Variants in PEX7 observed in about 807,000 individuals in gnomAD.
PEX7 encodes the protein peroxisomal biogenesis factor 7, also known as PTS2 receptor.
PEX7 carries 34 observed loss-of-function variants against 47.5 expected under a neutral mutation model. The observed-to-expected ratio is 0.72, with a 90% confidence interval of 0.54 to 0.95. PEX7 has a LOEUF of 0.95. Ranked by LOEUF, PEX7 falls within the 40% of genes least tolerant of loss-of-function variation. PEX7 has a pLI of 0.00. For missense variants in PEX7, 394 were observed against 400.3 expected, an observed-to-expected ratio of 0.98 and a Z score of 0.13; for synonymous variants, 141 against 148.8, an observed-to-expected ratio of 0.95 and a Z score of 0.38.
intron 3 of PEX7, among the ~76,000 whole-genome samples, chr6:136,838,502 G>A (rs1231039105): frequency 1.3e-5 from 2 of 152,234 alleles, no homozygotes; most frequent in Non-Finnish European, 2.9e-5. Flanking sequence ...TAACAGCTAA[G>A]TGTAAAATGT....
intron 5 of PEX7, among the ~76,000 whole-genome samples, chr6:136,855,490 C>T (rs1459713936): frequency 2.6e-5 from 4 of 152,060 alleles, no homozygotes; most frequent in Non-Finnish European, 1.5e-5. Context: ...CAGGCACGTG[C>T]CACTATGCCC....
intron 1 of PEX7, chr6:136,823,379 A>G (rs1176243922): frequency 2.1e-5 from 21 of 983,010 alleles, no homozygotes; most frequent in Non-Finnish European, 2.5e-5. Context: ...CACATTCGCA[A>G]GTAGGTGTTA....
chr6:136,910,802 C>G (rs999490115), intron 9 of PEX7, among the ~76,000 whole-genome samples: 3 of 152,316 alleles, frequency 2.0e-5, no homozygotes, highest in Admixed American at 6.5e-5. Context: ...GCTACTTCAT[C>G]TTTCATTTTA....
At chr6:136,839,913 C>T (rs372764662) in intron 3 of PEX7, among the ~76,000 whole-genome samples, 2 of 151,972 alleles carry the variant, frequency 1.3e-5, no homozygotes, top group East Asian at 1.9e-4. Flanking sequence ...ATGTGGTAAG[C>T]GCTGTGAATG....
At chr6:136,876,796 CAT>C (rs1035102330) in intron 8 of PEX7, among the ~76,000 whole-genome samples, 18 of 152,288 alleles carry the variant, frequency 1.2e-4, no homozygotes, top group African/African-American at 4.3e-4. Flanking sequence ...CTGCAATAAA[CAT>C]ATGTGTGCAT....
chr6:136,910,051 G>A (rs1441564823), intron 9 of PEX7, among the ~76,000 whole-genome samples: 1 of 152,150 alleles, frequency 6.6e-6, no homozygotes, highest in Non-Finnish European at 1.5e-5. Flanking sequence ...TGCAAGATTA[G>A]GCAAATAATG....
intron 8 of PEX7, among the ~76,000 whole-genome samples, chr6:136,881,746 C>T (rs1168063161): frequency 2.0e-5 from 3 of 152,106 alleles, no homozygotes; most frequent in Non-Finnish European, 4.4e-5. Flanking sequence ...AGTATCAAAC[C>T]ATGCTCAGAA....
At chr6:136,828,313 A>C (rs1302599099) in intron 3 of PEX7, among the ~76,000 whole-genome samples, 8 of 152,330 alleles carry the variant, frequency 5.3e-5, no homozygotes, top group Non-Finnish European at 2.9e-5. Flanking sequence ...TACTCTCTGG[A>C]AAATACTGTT....
intron 9 of PEX7, 103 bp from the exon 10 acceptor site, chr6:136,913,355 A>G: frequency 1.3e-6 from 1 of 787,554 alleles, no homozygotes; most frequent in Non-Finnish European, 2.3e-6. Flanking sequence ...TATGTTTACT[A>G]GTGGATGATT....
chr6:136,912,219 G>A (rs1775944999), intron 9 of PEX7, among the ~76,000 whole-genome samples: 1 of 151,984 alleles, frequency 6.6e-6, no homozygotes, highest in East Asian at 1.9e-4. Flanking sequence ...GTCTTTTGAT[G>A]AGCAAAAGTT....
At chr6:136,840,269 T>C (rs2115159733) in intron 3 of PEX7, among the ~76,000 whole-genome samples, 1 of 152,352 alleles carries the variant, frequency 6.6e-6, no homozygotes, top group Middle Eastern at 3.4e-3. Context: ...ACCATTAGCG[T>C]CCCCTGCTTA....
intron 7 of PEX7, chr6:136,870,710 T>G (rs1420293972): frequency 2.6e-6 from 1 of 383,478 alleles, no homozygotes; most frequent in Non-Finnish European, 5.1e-6. Context: ...AAATTCTAAA[T>G]TTTTTTTTCT....
chr6:136,883,194 A>G (rs182946928), intron 8 of PEX7, among the ~76,000 whole-genome samples: 175 of 152,336 alleles, frequency 1.1e-3, no homozygotes, highest in African/African-American at 3.4e-3. Flanking sequence ...CAGGTTTATC[A>G]ATTAGTAATG....
At position 136,866,628 on chromosome 6, in the gene PEX7, T is replaced by G; in HGVS notation, c.528T>G (p.Gly176=). The change falls in exon 6 of 10, where the codon GGT becomes GGG. Residue 176 remains glycine, a splice_region_variant and synonymous_variant. Coordinates refer to ENST00000318471, the MANE Select transcript of PEX7 (RefSeq NM_000288.4). ...TGATCAAGTCTTCCTTTTTACTAGG[T>G]GATCAGACTCTGAGAATATGGGATG... ...HIPGCFASAS[G]DQTLRIWDVK... 1.2e-6 allele frequency: 2 copies of G among 1,613,244 alleles called. 1 individual carries two copies. Among genetic ancestry groups the G allele is most frequent in the South Asian group, 2.2e-5 (2 of 91,068 alleles).
chr6:136,854,488 G>A (rs545413859), intron 5 of PEX7, among the ~76,000 whole-genome samples: 1 of 152,242 alleles, frequency 6.6e-6, no homozygotes, highest in South Asian at 2.1e-4. Context: ...CGCCTGGCCT[G>A]TGTTTTTAAT....
At chr6:136,839,735 G>A (rs1046793387) in intron 3 of PEX7, among the ~76,000 whole-genome samples, 2 of 152,190 alleles carry the variant, frequency 1.3e-5, no homozygotes, top group African/African-American at 4.8e-5. Context: ...TTTTCATTCA[G>A]ATTTGTTTCT....
At chr6:136,827,504 T>TTATG (rs1478142084) in intron 3 of PEX7, among the ~76,000 whole-genome samples, 1 of 140,930 alleles carries the variant, frequency 7.1e-6, no homozygotes, top group Non-Finnish European at 1.5e-5. Context: ...CTGTGTGAAT[T>TTATG]TGTGTGTGTG....
At chr6:136,855,721 A>T in intron 5 of PEX7, 2 of 382,208 alleles carry the variant, frequency 5.2e-6, no homozygotes, top group South Asian at 4.5e-5. Context: ...GACAGGATAC[A>T]TGACCATGAC....
intron 8 of PEX7, among the ~76,000 whole-genome samples, chr6:136,882,967 C>G (rs1451918037): frequency 2.6e-5 from 4 of 152,188 alleles, no homozygotes; most frequent in Non-Finnish European, 5.9e-5. Flanking sequence ...TCACTAGAAC[C>G]TATAAAATGG....
Sources: gnomAD v4.1 joint callset for allele counts (sites outside exome capture counted in the v4.1 genomes callset) on GRCh38, gnomAD v4.1.1 for gene constraint, MANE v1.5 for transcripts, NCBI Gene and HGNC (gene_info 2026-07-23, HGNC 2026-07-21) for gene names.